The following ADCY4 variants were observed in gnomAD, a reference collection of about 807,000 sequenced individuals.
ADCY4 encodes the protein adenylate cyclase 4, also known as adenylate cyclase type 4.
ADCY4 carries 111 observed loss-of-function variants against 125.5 expected under a neutral mutation model. The observed-to-expected ratio is 0.88, with a 90% CI of 0.76 to 1.04. ADCY4 has a LOEUF of 1.04. ADCY4 is among the 50% of genes least tolerant of loss of function. The pLI, the probability that ADCY4 is intolerant of heterozygous loss-of-function variation, is 0.00. For missense variants in ADCY4, 1,256 were observed against 1,382.9 expected (o/e 0.91, Z 1.46); for synonymous variants, 576 against 586.9 (o/e 0.98, Z 0.27).
chr14:24,327,363 G>A (rs1484961931), intron 10 of ADCY4, among the ~76,000 whole-genome samples: 8 of 152,072 alleles, frequency 5.3e-5, no homozygotes, highest in Admixed American at 5.2e-4. Context: ...GTCTAGCATG[G>A]GCCCCGGCAG....
intron 20 of ADCY4, 160 bp from the exon 21 acceptor site, chr14:24,320,048 G>A (rs2041829259): frequency 4.9e-6 from 4 of 820,846 alleles, no homozygotes; most frequent in Non-Finnish European, 7.4e-6. Flanking sequence ...CCCCAGGGAA[G>A]TGACTTAGGA....
intron 6 of ADCY4, 150 bp from the exon 7 acceptor site, chr14:24,330,445 T>C: frequency 1.9e-6 from 2 of 1,029,118 alleles, no homozygotes; most frequent in Non-Finnish European, 2.8e-6. Context: ...CTCCTTTCAC[T>C]TGATATGGGG....
chr14:24,322,924 A>G lies in ADCY4; in HGVS notation c.2322T>C (p.Tyr774=), dbSNP rs2041878018. ...CACACCTGGAGTCCAAGGGGCCCAG[A>G]TAGAGGCGGACGATGAGGCATTCCG... ...WLSECLIVRL[Y]LGPLDSRPGV... The change falls in exon 18 of 25, where the codon TAT becomes TAC. Residue 774 remains tyrosine (Y), a synonymous_variant. Transcript: ENST00000418030. The G allele has an allele frequency of 6.2e-7, 1 of 1,605,812 alleles. No homozygotes were observed. Among genetic ancestry groups the G allele is most frequent in the South Asian group, 1.1e-5 (1 of 89,890 alleles).
At position 24,332,981 on chromosome 14, in the gene ADCY4, G is replaced by T. The variant is rs151010600; in HGVS notation, c.167C>A (p.Thr56Asn). 5.2e-6 allele frequency: 8 copies of T among 1,539,044 alleles called. No homozygotes were observed. The South Asian group carries it at 9.9e-5, about 19-fold the overall frequency. ...AVAWASGREL[T>N]SDPSFLTTVL... is the part of the protein sequence containing the mutation. Reference sequence around the variant, plus strand: ...AGTGGTCAGGAAGCTCGGGTCTGAGGTCAGCTCCTGTGGGCAGGGGTGTGT... The same window carrying T: ...AGTGGTCAGGAAGCTCGGGTCTGAGTTCAGCTCCTGTGGGCAGGGGTGTGT... Residue 56 changes from threonine (T) to asparagine (N), a missense_variant, in exon 2 of 25, where the codon ACC becomes AAC. Transcript: ENST00000418030.
Position 24,318,419 on chromosome 14 carries a change from G to C in ADCY4, c.3231C>G (p.Gly1077=). ...TTCTTAGAAGGCGAGTGCAATCTCA[G>C]CCTAGGGTAGCTGAAGGAGGTCCAG... ...TRTGPPSATL[G] is the part of the protein sequence containing the mutation. The change falls in exon 25 of 25, where the codon GGC becomes GGG. Residue 1077 remains glycine (G), a synonymous_variant. Transcript: ENST00000418030. 6.2e-7 allele frequency: 1 copy of C among 1,614,004 alleles called. No homozygotes were observed. The highest frequency in any genetic ancestry group is 1.3e-5 in the African/African-American group (1 of 75,030).
Position 24,332,129 on chromosome 14 carries a change from C to G in ADCY4, c.520-192G>C, listed in dbSNP as rs2042050825. 7 of 632,444 alleles carry G rather than the reference C, an allele frequency of 1.1e-5. No homozygotes were observed. In the South Asian group the frequency reaches 2.1e-4, roughly 19 times the overall value. The allele number at this position is 632,444 out of a possible 1,614,324, so 39.2% of individuals were successfully genotyped here. ...TCCCAGATGCTCCCTCCTCCAGACT[C>G]TCGGCTGCTTCACCAACACGACCTC... On this transcript the variant is annotated intron_variant, in intron 3 of 24. Transcript: ENST00000418030.
chr14:24,323,122 G>A (rs1243920684), intron 17 of ADCY4, 34 bp from the exon 18 acceptor site: 1 of 1,607,878 alleles, frequency 6.2e-7, no homozygotes, highest in Non-Finnish European at 8.5e-7. Context: ...GAGTGGGCAT[G>A]TCCCATAGGC....
Position 24,334,724 on chromosome 14 carries a change from C to T in ADCY4, c.-72G>A. On this transcript the variant is annotated 5_prime_UTR_variant, in exon 1 of 25. Transcript: ENST00000418030. Reference sequence around the variant, plus strand: ...GGTTACCTCCTTCGGCCCGGCGGGCCCCACCTGAGCTTTTCTCACCCGCTC... The same window carrying T: ...GGTTACCTCCTTCGGCCCGGCGGGCTCCACCTGAGCTTTTCTCACCCGCTC... 1 of 1,280,264 alleles carries T rather than the reference C, an allele frequency of 7.8e-7. No individual in the cohort carries two copies. The highest frequency in any genetic ancestry group is 1.0e-6 in the Non-Finnish European group (1 of 958,138). The allele number at this position is 1,280,264 out of a possible 1,614,324, so 79.3% of individuals were successfully genotyped here.
intron 23 of ADCY4, 56 bp from the exon 24 acceptor site, chr14:24,318,834 C>G: frequency 6.2e-7 from 1 of 1,609,618 alleles, no homozygotes; most frequent in Non-Finnish European, 8.5e-7. Flanking sequence ...AAGAGGAAGC[C>G]ACAAGGAACT....
At position 24,319,406 on chromosome 14, in the gene ADCY4, C is replaced by T; in HGVS notation, c.2764G>A (p.Glu922Lys). The T allele has an allele frequency of 1.2e-6, 2 of 1,614,204 alleles. No homozygotes were observed. The highest frequency in any genetic ancestry group is 1.3e-5 in the African/African-American group (1 of 75,058). The change falls in exon 22 of 25, where the codon GAG (glutamate) becomes AAG (lysine). Residue 922 changes from glutamate (E) to lysine (K), a missense_variant. Transcript: ENST00000418030. The surrounding 1 kb of genome is among the most constrained non-coding windows in gnomAD (Gnocchi z 4.5). ...LLSKPKFSGV[E>K]KIKTIGSTYM... is the part of the protein sequence containing the mutation. ...GTGCTGCCGATGGTCTTGATCTTCT[C>T]CACCCCACTGAACTTGGGCTTGGAG... is the stretch of plus-strand genomic sequence containing the variant.
At chr14:24,329,782 G>A in intron 8 of ADCY4, 78 bp downstream of exon 8, 1 of 1,554,792 alleles carries the variant, frequency 6.4e-7, no homozygotes, top group Non-Finnish European at 8.7e-7. Flanking sequence ...CTTATCTTAA[G>A]GAACTAATGA....
chr14:24,332,818 G>A lies in ADCY4; in HGVS notation c.330C>T (p.Thr110=), dbSNP rs1299061605. 20 of 1,572,058 alleles carry A rather than the reference G, an allele frequency of 1.3e-5. No individual in the cohort carries two copies. The highest frequency in any genetic ancestry group is 1.7e-5 in the Non-Finnish European group (20 of 1,156,222). ...GGTCCCAGGCGCTCACCACGCCCCC[G>A]GTGAACAGGAAGGCGTGGCCTAGCG... The part of the protein sequence containing the change: ...LLALGHAFLF[T]GGVVSAWDQV... The change falls in exon 2 of 25, where the codon ACC becomes ACT. Residue 110 remains threonine (T), a synonymous_variant. Coordinates refer to ENST00000418030, the MANE Select transcript of ADCY4 (RefSeq NM_001198568.2).
At chr14:24,331,977 G>A (rs957973130) in intron 3 of ADCY4, 40 bp from the exon 4 acceptor site, 2 of 1,492,342 alleles carry the variant, frequency 1.3e-6, no homozygotes, top group Non-Finnish European at 1.8e-6. Context: ...CGGGACCCGG[G>A]TGCTTGTCGT....
chr14:24,325,246 C>T, intron 14 of ADCY4, 131 bp downstream of exon 14: 1 of 676,010 alleles, frequency 1.5e-6, no homozygotes, highest in Non-Finnish European at 2.5e-6. Context: ...CCCCAGAACA[C>T]ATGTTTCCTC....
At chr14:24,332,406 C>A in intron 3 of ADCY4, 116 bp downstream of exon 3, 1 of 1,232,198 alleles carries the variant, frequency 8.1e-7, no homozygotes, top group East Asian at 2.6e-5. Context: ...GGTTGGGTAT[C>A]CTGCGCCCAG....
In ADCY4 at chr14:24,319,890, TG is replaced by T; in HGVS notation, c.2587-3del. On this transcript the variant is annotated splice_region_variant and splice_polypyrimidine_tract_variant and intron_variant, in intron 20 of 24. Transcript: ENST00000418030. This position sits in a 1 kb window ranked among gnomAD's most constrained non-coding sequence, Gnocchi z 4.5. ...TTCATAGGACTGGTGGTAGAGATCCTGGGGGAACAGGAGACTGGAGTGAGGG... is the reference window on the plus strand; with the variant it reads ...TTCATAGGACTGGTGGTAGAGATCCTGGGGAACAGGAGACTGGAGTGAGGG... 6.2e-7 allele frequency: 1 copy of T among 1,612,916 alleles called. No homozygotes were observed.
chr14:24,334,698 G>C lies in ADCY4; in HGVS notation c.-46C>G. On this transcript the variant is annotated 5_prime_UTR_variant, in exon 1 of 25. Transcript: ENST00000418030. ...CCGGGGCTGGCTAGGGCCGGGCGCCGGGTTACCTCCTTCGGCCCGGCGGGC... is the reference window on the plus strand; with the variant it reads ...CCGGGGCTGGCTAGGGCCGGGCGCCCGGTTACCTCCTTCGGCCCGGCGGGC... 1 of 1,435,464 alleles carries C rather than the reference G, an allele frequency of 7.0e-7. No individual in the cohort carries two copies. The highest frequency in any genetic ancestry group is 2.7e-5 in the East Asian group (1 of 37,124). The allele number at this position is 1,435,464 out of a possible 1,614,324, so 88.9% of individuals were successfully genotyped here.
chr14:24,326,184 G>A lies in ADCY4; in HGVS notation c.1569-19C>T. ...ACGGCTCCTGCACAGTGAGAGCCAA[G>A]TCCATCACCACAGAGACCCTCAGAG... On this transcript the variant is annotated intron_variant, in intron 11 of 24. Transcript: ENST00000418030. The A allele has an allele frequency of 3.1e-6, 5 of 1,607,820 alleles. No individual in the cohort carries two copies. Among genetic ancestry groups the A allele is most frequent in the Non-Finnish European group, 4.3e-6 (5 of 1,175,420 alleles).
rs143756412 is a variant in ADCY4, at chr14:24,331,317, G to A, written c.709C>T (p.Arg237Ter). 42 of 1,613,944 alleles carry A rather than the reference G, an allele frequency of 2.6e-5. No homozygotes were observed. The highest frequency in any genetic ancestry group is 1.4e-4 in the South Asian group (13 of 91,080). The stretch of plus-strand genomic sequence containing the variant: ...GCCATGATCTCTGCCTTCATCTCTC[G>A]GGCCAGGTAGGCAGGAAGGATGGAC... ...LLSILPAYLA[R>*]EMKAEIMARL... Residue 237 changes from arginine (R) to a stop codon, truncating the protein, a stop_gained, in exon 5 of 25, where the codon CGA (arginine) becomes TGA (stop). Coordinates refer to ENST00000418030, the MANE Select transcript of ADCY4 (RefSeq NM_001198568.2). LOFTEE classifies it high-confidence loss of function.
Sources: gnomAD v4.1 joint callset for allele counts (sites outside exome capture counted in the v4.1 genomes callset) on GRCh38, gnomAD v4.1.1 for gene constraint, Gnocchi (gnomAD v3.1) non-coding constraint, MANE v1.5 for transcripts, NCBI Gene and HGNC (gene_info 2026-07-23, HGNC 2026-07-21) for gene names.